Variants in PARD6G observed in about 807,000 individuals in gnomAD.
PARD6G encodes par-6 family cell polarity regulator gamma.
Under a neutral mutation model 10.7 loss-of-function variants are expected in PARD6G, and 7 were observed. That is an observed-to-expected ratio of 0.66 (90% CI 0.37 to 1.23). PARD6G has a LOEUF of 1.23. Among genes scored for constraint, PARD6G ranks in the 50% most tolerant of loss-of-function variants. The probability of loss-of-function intolerance (pLI) is 0.02; values close to 1 mark genes in which losing one functional copy is unlikely to be tolerated. For synonymous variants in PARD6G, 287 were observed against 269.4 expected (o/e 1.07, Z -0.64); for missense variants, 548 against 571.8 (o/e 0.96, Z 0.42).
At chr18:80,241,170 C>T (rs544439286) in intron 1 of PARD6G, among the ~76,000 whole-genome samples, 6 of 152,312 alleles carry the variant, frequency 3.9e-5, no homozygotes, top group African/African-American at 7.2e-5. Context: ...ACCCTATGCA[C>T]GGTGAGCTGG....
intron 1 of PARD6G, among the ~76,000 whole-genome samples, chr18:80,220,962 C>A (rs1967221532): frequency 6.6e-6 from 1 of 152,072 alleles, no homozygotes; most frequent in Non-Finnish European, 1.5e-5. Flanking sequence ...AATTGGATAA[C>A]CTAGATGAAA....
intron 2 of PARD6G, among the ~76,000 whole-genome samples, chr18:80,177,170 C>CACAT (rs1555734799): frequency 8.0e-6 from 1 of 125,732 alleles, no homozygotes; most frequent in Non-Finnish European, 1.6e-5. Context: ...AAATGGGAAA[C>CACAT]ACACATACAC....
At chr18:80,179,893 A>G (rs530278088) in intron 2 of PARD6G, among the ~76,000 whole-genome samples, 1 of 152,352 alleles carries the variant, frequency 6.6e-6, no homozygotes, top group Admixed American at 6.5e-5. Flanking sequence ...TAGGAATGCA[A>G]TGGCCAGAGA....
At chr18:80,219,114 T>C (rs1195291369) in intron 1 of PARD6G, among the ~76,000 whole-genome samples, 1 of 152,220 alleles carries the variant, frequency 6.6e-6, no homozygotes, top group Non-Finnish European at 1.5e-5. Context: ...ACTGGAGACA[T>C]TTTCCCCATT....
chr18:80,198,943 G>A (rs1966982752), intron 2 of PARD6G, among the ~76,000 whole-genome samples: 1 of 152,120 alleles, frequency 6.6e-6, no homozygotes, highest in Admixed American at 6.5e-5. Context: ...GAATTCAATG[G>A]TTGTTGGTAT....
Position 80,175,667 on chromosome 18 carries a change from G to C in PARD6G, c.296-15061C>G, listed in dbSNP as rs773150640. On this transcript the variant is annotated intron_variant, in intron 2 of 2. Coordinates refer to ENST00000353265, the MANE Select transcript of PARD6G (RefSeq NM_032510.4). The surrounding 1 kb of genome is among the most constrained non-coding windows in gnomAD (Gnocchi z 6.7). ...TGAGTGTATCTGAGTCACGTTCTCT[G>C]TCAGGGCACAACCCTCGTTCCACCA... Among the ~76,000 whole-genome samples, 12 of 152,182 alleles carry C rather than the reference G, an allele frequency of 7.9e-5. No homozygotes were observed. Among genetic ancestry groups the C allele is most frequent in the Non-Finnish European group, 1.8e-4 (12 of 68,046 alleles).
At position 80,160,491 on chromosome 18, in the gene PARD6G, C is replaced by T; in HGVS notation, c.411G>A (p.Pro137=). Residue 137 remains proline, a synonymous_variant, in exon 3 of 3, where the codon CCG becomes CCA. Transcript: ENST00000353265. ...RRRAHLDIGL[P]RDFRPVSSII... The stretch of plus-strand genomic sequence containing the variant: ...TGGATGATACGGGGCGGAAGTCGCG[C>T]GGGAGGCCGATGTCCAGGTGTGCAC... 1 of 1,547,000 alleles carries T rather than the reference C, an allele frequency of 6.5e-7. No individual in the cohort carries two copies. Among genetic ancestry groups the T allele is most frequent in the Non-Finnish European group, 8.7e-7 (1 of 1,146,066 alleles).
chr18:80,204,660 T>C (rs943978164), intron 1 of PARD6G, among the ~76,000 whole-genome samples: 1 of 151,356 alleles, frequency 6.6e-6, no homozygotes, highest in Non-Finnish European at 1.5e-5. Context: ...TTCAAAATAC[T>C]GGCTTGGGGC....
chr18:80,163,690 G>C (rs568625581), intron 2 of PARD6G, among the ~76,000 whole-genome samples: 1 of 152,198 alleles, frequency 6.6e-6, no homozygotes, highest in African/African-American at 2.4e-5. Context: ...AGAACTGTAG[G>C]ATACAGAGAA....
Position 80,182,763 on chromosome 18 carries a change from C to CA in PARD6G, c.295+19946dup, listed in dbSNP as rs1478078307. The CA allele has an allele frequency of 1.4e-5, 3 of 212,494 alleles. No individual in the cohort carries two copies. Among genetic ancestry groups the CA allele is most frequent in the African/African-American group, 6.9e-5 (3 of 43,666 alleles). 13.2% of individuals were successfully genotyped at this position (212,494 alleles called of 1,614,324 possible). On this transcript the variant is annotated intron_variant, in intron 2 of 2. Transcript: ENST00000353265. This position sits in a 1 kb window ranked among gnomAD's most constrained non-coding sequence, Gnocchi z 4.5. Reference sequence around the variant, plus strand: ...ACCATTGATTCTCTCGTGTCAGGTGCATCCACGGGGCTTATCAAAGCTCTG... The same window carrying CA: ...ACCATTGATTCTCTCGTGTCAGGTGCAATCCACGGGGCTTATCAAAGCTCTG...
intron 1 of PARD6G, among the ~76,000 whole-genome samples, chr18:80,211,395 C>A (rs952343188): frequency 6.6e-6 from 1 of 152,126 alleles, no homozygotes. Flanking sequence ...TGGCTACTAT[C>A]GAAAAAGCAA....
rs932707230 is a variant in PARD6G at position 80,211,177 on chromosome 18, T to C, written c.73-8245A>G. On this transcript the variant is annotated intron_variant, in intron 1 of 2. Coordinates refer to ENST00000353265, the MANE Select transcript of PARD6G (RefSeq NM_032510.4). Reference sequence around the variant, plus strand: ...CCTCTGCAGCTATTTATATTTCTTATGATAAAAATTAGATGCCAATTTAAA... The same window carrying C: ...CCTCTGCAGCTATTTATATTTCTTACGATAAAAATTAGATGCCAATTTAAA... 4.6e-5 allele frequency among the ~76,000 whole-genome samples: 7 copies of C among 152,210 alleles called. No homozygotes were observed. The East Asian group carries it at 1.2e-3, about 25-fold the overall frequency.
chr18:80,219,734 T>C (rs1043602779), intron 1 of PARD6G, among the ~76,000 whole-genome samples: 4 of 152,142 alleles, frequency 2.6e-5, no homozygotes, highest in Admixed American at 2.0e-4. Flanking sequence ...CTAATCTCCA[T>C]CTGAGACCAG....
intron 1 of PARD6G, among the ~76,000 whole-genome samples, chr18:80,207,415 T>C (rs1021847114): frequency 1.3e-5 from 2 of 152,034 alleles, no homozygotes; most frequent in African/African-American, 2.4e-5. Flanking sequence ...TGAAAGATTC[T>C]TCCGAAGTTT....
At chr18:80,216,943 A>G (rs1967173885) in intron 1 of PARD6G, among the ~76,000 whole-genome samples, 1 of 152,182 alleles carries the variant, frequency 6.6e-6, no homozygotes, top group Non-Finnish European at 1.5e-5. Context: ...ATGGGCCTTA[A>G]GGAATCAAGG....
Position 80,200,144 on chromosome 18 carries a change from T to C in PARD6G, c.295+2566A>G, listed in dbSNP as rs1016709704. ...ATCTTGAAAATAGCATGACCGTGACTGACCCCTCGACACCCCTGCTGCAGT... is the reference window on the plus strand; with the variant it reads ...ATCTTGAAAATAGCATGACCGTGACCGACCCCTCGACACCCCTGCTGCAGT... On this transcript the variant is annotated intron_variant, in intron 2 of 2. Coordinates refer to ENST00000353265, the MANE Select transcript of PARD6G (RefSeq NM_032510.4). The surrounding 1 kb of genome is among the most constrained non-coding windows in gnomAD (Gnocchi z 4.4). Among the ~76,000 whole-genome samples, 1 of 152,190 alleles carries C rather than the reference T, an allele frequency of 6.6e-6. No homozygotes were observed. The highest frequency in any genetic ancestry group is 1.5e-5 in the Non-Finnish European group (1 of 68,038).
intron 1 of PARD6G, among the ~76,000 whole-genome samples, chr18:80,225,803 C>T (rs934614524): frequency 1.3e-5 from 2 of 152,092 alleles, no homozygotes; most frequent in Admixed American, 6.6e-5. Context: ...ACATGTACAA[C>T]ACATACAAAG....
At position 80,188,382 on chromosome 18, in the gene PARD6G, G is replaced by T. The variant is rs2052891122; in HGVS notation, c.295+14328C>A. Among the ~76,000 whole-genome samples, 1 of 152,146 alleles carries T rather than the reference G, an allele frequency of 6.6e-6. No homozygotes were observed. Among genetic ancestry groups the T allele is most frequent in the African/African-American group, 2.4e-5 (1 of 41,434 alleles). ...CCAGTGCTGGTGTCTCTTCCAACAA[G>T]AATACTTTCTTGAGGAGCACAGATG... is the stretch of plus-strand genomic sequence containing the variant. On this transcript the variant is annotated intron_variant, in intron 2 of 2. Transcript: ENST00000353265. The surrounding 1 kb of genome is among the most constrained non-coding windows in gnomAD (Gnocchi z 5.4).
intron 2 of PARD6G, among the ~76,000 whole-genome samples, chr18:80,177,795 GCA>G (rs1427993382): frequency 1.3e-5 from 2 of 151,242 alleles, no homozygotes; most frequent in East Asian, 3.9e-4. Flanking sequence ...CAAATGGGAA[GCA>G]CACACACACA....
Sources: gnomAD v4.1 joint callset for allele counts (sites outside exome capture counted in the v4.1 genomes callset) on GRCh38, gnomAD v4.1.1 for gene constraint, Gnocchi (gnomAD v3.1) non-coding constraint, MANE v1.5 for transcripts, NCBI Gene and HGNC (gene_info 2026-07-23, HGNC 2026-07-21) for gene names.